TIAM1: variants seen among roughly 807,000 people sequenced by gnomAD.
TIAM1 encodes rho guanine nucleotide exchange factor TIAM1.
TIAM1 carries 65 observed loss-of-function variants against 163.5 expected under a neutral mutation model. The observed-to-expected ratio is 0.40, with a 90% CI of 0.33 to 0.49. The LOEUF is 0.49. Among genes scored for constraint, TIAM1 ranks in the 20% least tolerant of loss-of-function variants. TIAM1 has a pLI of 0.77. For missense variants in TIAM1, 1,789 were observed against 2,044.7 expected (o/e 0.87, Z 2.41); for synonymous variants, 833 against 810.1 (o/e 1.03, Z -0.48).
rs530376152 is a variant in TIAM1, at chr21:31,244,957, T to C, written c.1584+531A>G. On this transcript the variant is annotated intron_variant, in intron 6 of 27. Transcript: ENST00000541036. ...AATCCTGAAGCAGTTAGCAGAGAAGTATTTTTTTTAAAAAATGTTGAAATT... is the reference window on the plus strand; with the variant it reads ...AATCCTGAAGCAGTTAGCAGAGAAGCATTTTTTTTAAAAAATGTTGAAATT... Among the ~76,000 whole-genome samples the C allele has an allele frequency of 2.6e-5, 4 of 152,316 alleles. No homozygotes were observed. The South Asian group carries it at 8.3e-4, about 32-fold the overall frequency.
At chr21:31,220,174 T>C (rs1251483927) in intron 8 of TIAM1, among the ~76,000 whole-genome samples, 2 of 152,246 alleles carry the variant, frequency 1.3e-5, no homozygotes. Flanking sequence ...GCTTTCTTCA[T>C]ACACACAGCA....
At chr21:31,553,509 C>A (rs1199422993) in intron 1 of TIAM1, among the ~76,000 whole-genome samples, 1 of 152,096 alleles carries the variant, frequency 6.6e-6, no homozygotes, top group Non-Finnish European at 1.5e-5. Context: ...AAAACACTGC[C>A]CAAAGAGTGA....
chr21:31,443,008 A>G (rs2044491422), intron 2 of TIAM1, among the ~76,000 whole-genome samples: 1 of 152,214 alleles, frequency 6.6e-6, no homozygotes, highest in Non-Finnish European at 1.5e-5. Flanking sequence ...TGCGGCTCCT[A>G]TGTACATGTT....
Position 31,202,937 on chromosome 21 carries a change from G to A in TIAM1, c.2464C>T (p.Pro822Ser), listed in dbSNP as rs1260751894. The A allele has an allele frequency of 1.2e-6, 2 of 1,614,132 alleles. No homozygotes were observed. Among genetic ancestry groups the A allele is most frequent in the East Asian group, 2.2e-5 (1 of 44,876 alleles). The change falls in exon 12 of 28, where the codon CCA becomes TCA. Residue 822 changes from proline (P) to serine (S), a missense_variant. Around this residue, in one of 5 missense-constraint regions of TIAM1, gnomAD observed 456 missense variants for 586.6 expected, o/e 0.78. Coordinates refer to ENST00000541036, the MANE Select transcript of TIAM1 (RefSeq NM_001353694.2). ...TCATAGATGTCTTCCTCGGGCTGTG[G>A]AACATAGAGCTGCATTTTGTTTTCT... ...LIENKMQLYV[P>S]QPEEDIYELL...
intron 2 of TIAM1, among the ~76,000 whole-genome samples, chr21:31,399,383 AT>A (rs2147215125): frequency 6.6e-6 from 1 of 152,284 alleles, no homozygotes; most frequent in South Asian, 2.1e-4. Context: ...TTTAAAAATA[AT>A]AAATTAACGT....
At chr21:31,318,140 C>T (rs1031846738) in intron 2 of TIAM1, among the ~76,000 whole-genome samples, 2 of 152,172 alleles carry the variant, frequency 1.3e-5, no homozygotes, top group African/African-American at 2.4e-5. Context: ...GTCTGTCACC[C>T]AGGTGGGAAT....
chr21:31,190,176 C>T (rs1450835902), intron 13 of TIAM1, among the ~76,000 whole-genome samples: 3 of 152,022 alleles, frequency 2.0e-5, no homozygotes, highest in Non-Finnish European at 4.4e-5. Flanking sequence ...AAGGCTGAGG[C>T]GGGAGGAAAG....
chr21:31,178,800 G>A (rs533710076), intron 15 of TIAM1, among the ~76,000 whole-genome samples: 2 of 152,036 alleles, frequency 1.3e-5, no homozygotes, highest in African/African-American at 4.8e-5. Flanking sequence ...TGCCCAGACT[G>A]GAGTGCAATG....
At chr21:31,347,742 G>A (rs1290291980), upstream of TIAM1, among the ~76,000 whole-genome samples, 3 of 152,116 alleles carry the variant, frequency 2.0e-5, no homozygotes, top group Admixed American at 6.5e-5. Context: ...ATGCACGGAC[G>A]TTCAGAGAAA....
chr21:31,137,553 G>A (rs1450238617), intron 22 of TIAM1, among the ~76,000 whole-genome samples: 2 of 152,060 alleles, frequency 1.3e-5, no homozygotes, highest in African/African-American at 4.8e-5. Context: ...GCCCCTGGGA[G>A]TACGTCTTTA....
intron 2 of TIAM1, among the ~76,000 whole-genome samples, chr21:31,433,989 G>T (rs1162394545): frequency 2.0e-5 from 3 of 151,996 alleles, no homozygotes. Context: ...TTAGAGACAG[G>T]GTTTTGCCAC....
chr21:31,558,027 C>G (rs1472915135), intron 1 of TIAM1, among the ~76,000 whole-genome samples: 2 of 152,176 alleles, frequency 1.3e-5, no homozygotes, highest in Non-Finnish European at 2.9e-5. Context: ...GGGGCGTCAC[C>G]TGACAGCGCG....
At chr21:31,414,737 T>C (rs13053061) in intron 2 of TIAM1, among the ~76,000 whole-genome samples, 9,289 of 152,304 alleles carry the variant, frequency 0.061, 360 homozygotes, top group East Asian at 0.11. Context: ...CTGTTGCCAC[T>C]GGTGCAGATG....
chr21:31,257,102 G>T (rs534262611), intron 4 of TIAM1, among the ~76,000 whole-genome samples: 4 of 152,152 alleles, frequency 2.6e-5, no homozygotes, highest in Non-Finnish European at 5.9e-5. Flanking sequence ...ACTAAACTAG[G>T]AAAATGGTGA....
chr21:31,152,938 AT>A, intron 18 of TIAM1, 127 bp downstream of exon 18: 1 of 1,278,418 alleles, frequency 7.8e-7, no homozygotes, highest in Non-Finnish European at 1.1e-6. Flanking sequence ...GCAGGCAATA[AT>A]TTCAGCTAGT....
intron 10 of TIAM1, among the ~76,000 whole-genome samples, chr21:31,210,909 G>A (rs373833975): frequency 3.3e-5 from 5 of 151,860 alleles, no homozygotes; most frequent in African/African-American, 1.2e-4. Flanking sequence ...CATCTGCCAT[G>A]AGAACTTTAC....
chr21:31,487,573 C>T (rs1346422096), intron 1 of TIAM1, among the ~76,000 whole-genome samples: 12 of 120,836 alleles, frequency 9.9e-5, no homozygotes, highest in East Asian at 6.7e-4. Context: ...TTTTTTGAGA[C>T]GGAGTCTCGC....
chr21:31,245,375 A>G lies in TIAM1; in HGVS notation c.1584+113T>C, dbSNP rs909851570. On this transcript the variant is annotated intron_variant, in intron 6 of 27. Coordinates refer to ENST00000541036, the MANE Select transcript of TIAM1 (RefSeq NM_001353694.2). ...AGCAACAGATTAATCTCACCACTAA[A>G]AAAAAAAAAAAAAAAAAAAAAAGCA... The G allele has an allele frequency of 1.3e-5, 4 of 301,082 alleles. No homozygotes were observed. The East Asian group carries it at 4.3e-4, about 32-fold the overall frequency. The allele number at this position is 301,082 out of a possible 1,614,324, so 18.7% of individuals were successfully genotyped here.
At chr21:31,192,934 T>G (rs1172570181) in intron 13 of TIAM1, among the ~76,000 whole-genome samples, 5 of 151,990 alleles carry the variant, frequency 3.3e-5, no homozygotes, top group Non-Finnish European at 7.4e-5. Context: ...GGACGCGTGG[T>G]GAATGTGAGA....
Sources: allele counts gnomAD v4.1 joint callset (sites outside exome capture counted in the v4.1 genomes callset), GRCh38; gene constraint gnomAD v4.1.1; regional missense constraint gnomAD v4.1.1; transcripts MANE v1.5; gene names NCBI Gene and HGNC (gene_info 2026-07-23, HGNC 2026-07-21).